MATR3: variants seen among roughly 807,000 people sequenced by gnomAD.
MATR3 encodes the protein matrin-3.
MATR3 carries 4 observed loss-of-function variants against 85.5 expected under a neutral mutation model. That is an observed-to-expected ratio of 0.05 (90% CI 0.02 to 0.11). The LOEUF (loss-of-function observed/expected upper bound fraction) is 0.11. Among genes scored for constraint, MATR3 ranks in the 10% least tolerant of loss-of-function variants. MATR3 has a pLI of 1.00. For synonymous variants in MATR3, 336 were observed against 343.1 expected, an observed-to-expected ratio of 0.98 and a Z score of 0.23; for missense variants, 685 against 1,016.1, an observed-to-expected ratio of 0.67 and a Z score of 4.43.
In MATR3 at chr5:139,321,978, G is replaced by A; in HGVS notation, c.1683G>A (p.Gly561=). ...HCLKKALWFQ[G]RCVKVDLSEK... ...TGAAAAAAGCCCTTTGGTTTCAGGG[G>A]AGATGTGTGAAGGTTGACCTGTCTG... The change falls in exon 10 of 15, where the codon GGG becomes GGA. Residue 561 remains glycine (G), a synonymous_variant. Coordinates refer to ENST00000394805, the MANE Select transcript of MATR3 (RefSeq NM_018834.6). The A allele has an allele frequency of 6.2e-7, 1 of 1,614,058 alleles. No homozygotes were observed. Among genetic ancestry groups the A allele is most frequent in the Non-Finnish European group, 8.5e-7 (1 of 1,179,946 alleles).
Position 139,317,093 on chromosome 5 carries a change from G to C in MATR3, c.1170G>C (p.Gln390His), listed in dbSNP as rs1274987345. 2 of 1,614,096 alleles carry C rather than the reference G, an allele frequency of 1.2e-6. No homozygotes were observed. The highest frequency in any genetic ancestry group is 1.6e-4 in the Middle Eastern group (1 of 6,062). The change falls in exon 6 of 15, where the codon CAG (glutamine) becomes CAC (histidine). Residue 390 changes from glutamine to histidine, a missense_variant. Coordinates refer to ENST00000394805, the MANE Select transcript of MATR3 (RefSeq NM_018834.6). Reference protein sequence around the residue: ...NGNLQGPRHMQKGRVETSRVV... With the variant: ...NGNLQGPRHMHKGRVETSRVV... The stretch of plus-strand genomic sequence containing the variant: ...ACCTGCAAGGACCTAGACACATGCA[G>C]AAAGGCAGAGTGGTCAGTAATGAAG...
chr5:139,298,190 G>A (rs143603466), intron 1 of MATR3, among the ~76,000 whole-genome samples: 132 of 152,238 alleles, frequency 8.7e-4, no homozygotes, highest in African/African-American at 3.0e-3. Flanking sequence ...CTTAACACAC[G>A]GGAACCTATA....
At chr5:139,275,937 T>C (rs985834768) in intron 1 of MATR3, among the ~76,000 whole-genome samples, 1 of 152,206 alleles carries the variant, frequency 6.6e-6, no homozygotes, top group East Asian at 1.9e-4. Context: ...TTGCTACTAT[T>C]GAACTGCTGT....
In MATR3 at chr5:139,317,010, A is replaced by G. The variant is rs374304609; in HGVS notation, c.1130-43A>G. On this transcript the variant is annotated intron_variant, in intron 5 of 14. Transcript: ENST00000394805. ...TTCAGTAAAATTGCTTCTTTAAGCA[A>G]GTATAGTGATTACAAGACTGAAAAC... is the stretch of plus-strand genomic sequence containing the variant. 8 of 1,564,600 alleles carry G rather than the reference A, an allele frequency of 5.1e-6. No homozygotes were observed. The African/African-American group carries it at 8.1e-5, about 16-fold the overall frequency.
At chr5:139,320,779 G>A (rs772367692) in intron 9 of MATR3, among the ~76,000 whole-genome samples, 2 of 118,772 alleles carry the variant, frequency 1.7e-5, no homozygotes, top group South Asian at 2.5e-4. Flanking sequence ...ACAGAGTCTC[G>A]CTCTGTCACC....
chr5:139,315,940 G>C (rs1277226491), intron 4 of MATR3, 136 bp from the exon 5 acceptor site: 4 of 796,306 alleles, frequency 5.0e-6, no homozygotes, highest in Non-Finnish European at 6.5e-6. Flanking sequence ...TGTAGACTTT[G>C]ACCTAGTTAC....
At chr5:139,306,511 C>T (rs1274665043) in intron 1 of MATR3, among the ~76,000 whole-genome samples, 1 of 152,166 alleles carries the variant, frequency 6.6e-6, no homozygotes, top group Non-Finnish European at 1.5e-5. Context: ...TATTCCTGTA[C>T]TGACCAGAGT....
chr5:139,279,243 G>C lies in MATR3; in HGVS notation c.-178+114G>C, dbSNP rs565843160. 5.4e-4 allele frequency: 237 copies of C among 440,920 alleles called. 2 individuals are homozygous for C. The highest frequency in any genetic ancestry group is 4.0e-3 in the Admixed American group (167 of 41,674). The allele number at this position is 440,920 out of a possible 1,614,324, so 27.3% of individuals were successfully genotyped here. A position where few individuals can be genotyped will look rare whatever the true frequency, so the allele number is the denominator to read the frequency against. On this transcript the variant is annotated intron_variant, in intron 3 of 16. Coordinates refer to ENST00000509990, the Ensembl canonical transcript of MATR3. ...ATGTAGAGTATCAGACTTTTTTTTG[G>C]GGGGGGACGGAGTCTTGCTCAGTTG...
At chr5:139,299,687 G>A (rs1311462335) in intron 1 of MATR3, among the ~76,000 whole-genome samples, 1 of 152,092 alleles carries the variant, frequency 6.6e-6, no homozygotes, top group African/African-American at 2.4e-5. Flanking sequence ...TGGATTTCAT[G>A]TGGTAAGTGG....
intron 3 of MATR3, among the ~76,000 whole-genome samples, chr5:139,281,263 T>C (rs1370351804): frequency 6.6e-6 from 1 of 152,102 alleles, no homozygotes; most frequent in Non-Finnish European, 1.5e-5. Context: ...CAGTCTCAAC[T>C]TTCTGGGCTC....
At chr5:139,308,353 A>T in intron 2 of MATR3, 26 bp downstream of exon 2, 5 of 1,613,448 alleles carry the variant, frequency 3.1e-6, no homozygotes, top group East Asian at 2.2e-5. Flanking sequence ...AGATGCTTCT[A>T]ATTTCTTTTA....
At chr5:139,295,922 T>G (rs1265944560) in intron 1 of MATR3, among the ~76,000 whole-genome samples, 6 of 152,046 alleles carry the variant, frequency 3.9e-5, no homozygotes, top group Admixed American at 3.9e-4. Context: ...CTCCCAGGCT[T>G]AAGTAATCCT....
intron 12 of MATR3, among the ~76,000 whole-genome samples, chr5:139,323,898 A>G (rs1355368503): frequency 6.6e-6 from 1 of 152,168 alleles, no homozygotes; most frequent in African/African-American, 2.4e-5. Flanking sequence ...TCAAGAAAAA[A>G]AAAAAGTAGA....
intron 2 of MATR3, among the ~76,000 whole-genome samples, chr5:139,276,714 C>G (rs1261069247): frequency 6.6e-6 from 1 of 151,970 alleles, no homozygotes; most frequent in East Asian, 1.9e-4. Context: ...ATTTTTAGTG[C>G]CTACCAAGGG....
intron 2 of MATR3, chr5:139,313,363 C>G (rs1361204540): frequency 6.8e-6 from 1 of 146,606 alleles, no homozygotes; most frequent in Non-Finnish European, 1.5e-5. Context: ...TTCCATGTGC[C>G]TGGCAAGGGT....
rs1754749613 is a variant in MATR3 at position 139,307,065 on chromosome 5, T to C, written c.-177-174T>C. The stretch of plus-strand genomic sequence containing the variant: ...TGAAATACTACTTTTTAAATATCTA[T>C]ATGCAGGCTCTGCATACATCAGGAA... On this transcript the variant is annotated intron_variant, in intron 1 of 14. Transcript: ENST00000394805. The surrounding 1 kb of genome is among the most constrained non-coding windows in gnomAD (Gnocchi z 4.4). Among the ~76,000 whole-genome samples, 1 of 152,132 alleles carries C rather than the reference T, an allele frequency of 6.6e-6. No homozygotes were observed. The highest frequency in any genetic ancestry group is 1.9e-4 in the East Asian group (1 of 5,196).
rs911499515 is a variant in MATR3 at position 139,307,105 on chromosome 5, G to A, written c.-177-134G>A. On this transcript the variant is annotated intron_variant, in intron 1 of 14. Coordinates refer to ENST00000394805, the MANE Select transcript of MATR3 (RefSeq NM_018834.6). This position sits in a 1 kb window ranked among gnomAD's most constrained non-coding sequence, Gnocchi z 4.4. Reference sequence around the variant, plus strand: ...TACATCAGGAATCTGTTTAAGATATGTAATAAATTCCTTGTAAGTTTGAGA... The same window carrying A: ...TACATCAGGAATCTGTTTAAGATATATAATAAATTCCTTGTAAGTTTGAGA... 8.6e-6 allele frequency: 4 copies of A among 464,104 alleles called. No homozygotes were observed. Among genetic ancestry groups the A allele is most frequent in the African/African-American group, 8.4e-5 (4 of 47,462 alleles). The allele number at this position is 464,104 out of a possible 1,614,324, so 28.7% of individuals were successfully genotyped here.
At chr5:139,305,364 A>T (rs1754655812) in intron 1 of MATR3, among the ~76,000 whole-genome samples, 1 of 152,236 alleles carries the variant, frequency 6.6e-6, no homozygotes, top group South Asian at 2.1e-4. Context: ...TAAAAATTTT[A>T]AACATAATTG....
intron 12 of MATR3, among the ~76,000 whole-genome samples, chr5:139,323,278 G>A (rs1249409856): frequency 6.6e-6 from 1 of 151,902 alleles, no homozygotes; most frequent in Non-Finnish European, 1.5e-5. Context: ...CAGCCTTATA[G>A]TGTAGCTTTG....
Sources: gnomAD v4.1 joint callset for allele counts (sites outside exome capture counted in the v4.1 genomes callset) on GRCh38, gnomAD v4.1.1 for gene constraint, Gnocchi (gnomAD v3.1) non-coding constraint, MANE v1.5 for transcripts, NCBI Gene and HGNC (gene_info 2026-07-23, HGNC 2026-07-21) for gene names.